Variants in PCLO observed in about 807,000 individuals in gnomAD.
PCLO encodes the protein piccolo presynaptic cytomatrix protein, also known as protein piccolo.
In PCLO, 82 loss-of-function variants were observed where a neutral mutation model predicts 427.5. That is an observed-to-expected ratio of 0.19 (90% CI 0.16 to 0.23). The LOEUF (loss-of-function observed/expected upper bound fraction) is 0.23, where lower values mean the gene tolerates loss of function less well. Among genes scored for constraint, PCLO ranks in the 10% least tolerant of loss-of-function variants. PCLO has a pLI of 1.00. For synonymous variants in PCLO, 2,357 were observed against 2,155.4 expected, an observed-to-expected ratio of 1.09 and a Z score of -2.59; for missense variants, 6,239 against 6,115.9, an observed-to-expected ratio of 1.02 and a Z score of -0.67.
At chr7:82,870,227 G>A (rs954069687) in intron 10 of PCLO, among the ~76,000 whole-genome samples, 1 of 151,862 alleles carries the variant, frequency 6.6e-6, no homozygotes, top group African/African-American at 2.4e-5. Context: ...AGCATGGCAT[G>A]GCATAAAAAT....
Position 83,033,728 on chromosome 7 carries a change from T to C in PCLO, c.3301-67241A>G, listed in dbSNP as rs796163631. Among the ~76,000 whole-genome samples the C allele has an allele frequency of 3.9e-5, 6 of 152,292 alleles. No homozygotes were observed. The Middle Eastern group carries it at 0.01, about 259-fold the overall frequency. ...TCACACTATTACTTTCTTAGACATATATTAGTTTGTACTACTTGTACCACT... is the reference window on the plus strand; with the variant it reads ...TCACACTATTACTTTCTTAGACATACATTAGTTTGTACTACTTGTACCACT... On this transcript the variant is annotated intron_variant, in intron 3 of 24. Transcript: ENST00000333891.
Position 82,953,781 on chromosome 7 carries a change from C to T in PCLO, c.7172G>A (p.Arg2391His), listed in dbSNP as rs749073112. The T allele has an allele frequency of 2.5e-5, 40 of 1,580,178 alleles. No homozygotes were observed. Among genetic ancestry groups the T allele is most frequent in the African/African-American group, 4.1e-5 (3 of 73,624 alleles). ...PSVSSLPAKP[R>H]PFFRSSSLDI... ...CAAAGAAGAACTTCTAAAGAATGGG[C>T]GAGGTTTAGCTGGAAGAGAGGAAAC... The change falls in exon 5 of 25, where the codon CGC (arginine) becomes CAC (histidine). Residue 2391 changes from arginine (R) to histidine (H), a missense_variant. Arg to His is a conservative substitution (Grantham distance 29). Transcript: ENST00000333891.
chr7:82,961,697 T>A (rs1795659861), intron 4 of PCLO, among the ~76,000 whole-genome samples: 1 of 152,192 alleles, frequency 6.6e-6, no homozygotes, highest in Non-Finnish European at 1.5e-5. Context: ...GGTCACATGG[T>A]CTGTGAGGAA....
chr7:82,930,938 A>G (rs551191403), intron 6 of PCLO, among the ~76,000 whole-genome samples: 3 of 152,286 alleles, frequency 2.0e-5, no homozygotes, highest in East Asian at 3.9e-4. Flanking sequence ...ATAAATTTAT[A>G]TATGAAAAGT....
At position 82,965,112 on chromosome 7, in the gene PCLO, A is replaced by G. The variant is rs150018235; in HGVS notation, c.4017+659T>C. ...ATGGGTTAAATGAAAATTTTCCATTAAAGAAAAAGAAAAGAATATTTTTCC... is the reference window on the plus strand; with the variant it reads ...ATGGGTTAAATGAAAATTTTCCATTGAAGAAAAAGAAAAGAATATTTTTCC... On this transcript the variant is annotated intron_variant, in intron 4 of 24. Coordinates refer to ENST00000333891, the MANE Select transcript of PCLO (RefSeq NM_033026.6). 3.8e-3 allele frequency among the ~76,000 whole-genome samples: 574 copies of G among 152,236 alleles called. 2 individuals are homozygous for G. Among genetic ancestry groups the G allele is most frequent in the African/African-American group, 0.013 (532 of 41,548 alleles).
chr7:82,766,194 G>T (rs1255608180), intron 22 of PCLO, among the ~76,000 whole-genome samples: 2 of 152,028 alleles, frequency 1.3e-5, no homozygotes, highest in African/African-American at 4.8e-5. Context: ...TTTGAGAGTG[G>T]CAGCCTTGGC....
chr7:82,936,446 T>G (rs748951509), intron 6 of PCLO, among the ~76,000 whole-genome samples: 3 of 151,596 alleles, frequency 2.0e-5, no homozygotes, highest in African/African-American at 7.2e-5. Context: ...ATTAGAAGAA[T>G]GAAAATCACA....
At chr7:83,035,079 G>C (rs1014301592) in intron 3 of PCLO, among the ~76,000 whole-genome samples, 1 of 152,140 alleles carries the variant, frequency 6.6e-6, no homozygotes, top group African/African-American at 2.4e-5. Context: ...CTGGCAGCAA[G>C]TCTTTAATTC....
chr7:82,790,900 T>C (rs1338741253), intron 22 of PCLO, among the ~76,000 whole-genome samples: 14 of 152,234 alleles, frequency 9.2e-5, no homozygotes, highest in Admixed American at 9.2e-4. Flanking sequence ...GGCAGGCATA[T>C]GCAAAAATCT....
At chr7:83,128,384 T>C (rs1307608873) in intron 3 of PCLO, among the ~76,000 whole-genome samples, 4 of 152,170 alleles carry the variant, frequency 2.6e-5, no homozygotes, top group Non-Finnish European at 5.9e-5. Context: ...TACTAAGTTT[T>C]TGAAATCAAA....
intron 1 of PCLO, 72 bp downstream of exon 1, chr7:83,162,273 A>T: frequency 6.7e-7 from 1 of 1,482,130 alleles, no homozygotes; most frequent in Non-Finnish European, 9.0e-7. Flanking sequence ...GTGCTGGCAC[A>T]TACAGGCTGG....
intron 3 of PCLO, among the ~76,000 whole-genome samples, chr7:83,011,951 CT>C (rs901336130): frequency 3.4e-4 from 51 of 151,206 alleles, no homozygotes; most frequent in Non-Finnish European, 4.7e-4. Flanking sequence ...TATATAATAT[CT>C]TTTTTTTTGA....
intron 3 of PCLO, among the ~76,000 whole-genome samples, chr7:83,015,205 T>G (rs1382623177): frequency 6.6e-6 from 1 of 152,172 alleles, no homozygotes; most frequent in Non-Finnish European, 1.5e-5. Context: ...TACTTGATAT[T>G]TATAATTTAT....
In PCLO at chr7:83,070,603, A is replaced by G. The variant is rs111737482; in HGVS notation, c.3300+63647T>C. 1.7e-3 allele frequency among the ~76,000 whole-genome samples: 265 copies of G among 152,126 alleles called. 1 individual carries two copies. Among genetic ancestry groups the G allele is most frequent in the Non-Finnish European group, 2.8e-3 (190 of 67,948 alleles). ...GGGGTTTCACCATGTTAGCCAGGAT[A>G]GTCTCCATCTCCTGACCTTGTGATC... On this transcript the variant is annotated intron_variant, in intron 3 of 24. Transcript: ENST00000333891.
At chr7:82,987,037 T>G (rs1238246533) in intron 3 of PCLO, among the ~76,000 whole-genome samples, 1 of 151,954 alleles carries the variant, frequency 6.6e-6, no homozygotes, top group Non-Finnish European at 1.5e-5. Flanking sequence ...CATATGCCAT[T>G]TCGTCAGATT....
At chr7:83,089,179 TA>T (rs1020156119) in intron 3 of PCLO, among the ~76,000 whole-genome samples, 10 of 152,168 alleles carry the variant, frequency 6.6e-5, no homozygotes, top group African/African-American at 1.4e-4. Flanking sequence ...ATGTTTTAAA[TA>T]TTTTTTTATG....
chr7:83,139,548 T>G (rs1289123829), intron 2 of PCLO, among the ~76,000 whole-genome samples: 2 of 152,218 alleles, frequency 1.3e-5, no homozygotes, highest in Non-Finnish European at 2.9e-5. Flanking sequence ...TAAATGTACA[T>G]GGATATATCT....
At position 83,050,208 on chromosome 7, in the gene PCLO, GAAAAAAAAAAAAAAAA is replaced by G. The variant is rs556193471; in HGVS notation, c.3301-83737_3301-83722del. Among the ~76,000 whole-genome samples the G allele has an allele frequency of 9.2e-4, 5 of 5,458 alleles. 1 individual carries two copies. In the South Asian group the frequency reaches 0.11, roughly 121 times the overall value. The allele number at this position is 5,458 out of a possible 152,430, so 3.6% of individuals were successfully genotyped here. The stretch of plus-strand genomic sequence containing the variant: ...TGAACTATTCCTCATCTGAAAAACT[GAAAAAAAAAAAAAAAA>G]AAAAAAAAAAAAACACAAGCAAACA... On this transcript the variant is annotated intron_variant, in intron 3 of 24. Coordinates refer to ENST00000333891, the MANE Select transcript of PCLO (RefSeq NM_033026.6).
At chr7:83,024,702 C>A (rs1165930028) in intron 3 of PCLO, among the ~76,000 whole-genome samples, 1 of 152,204 alleles carries the variant, frequency 6.6e-6, no homozygotes, top group Non-Finnish European at 1.5e-5. Flanking sequence ...ACTTAAATGT[C>A]CCTGTCAGAC....
Sources: allele counts gnomAD v4.1 joint callset (sites outside exome capture counted in the v4.1 genomes callset), GRCh38; gene constraint gnomAD v4.1.1; transcripts MANE v1.5; gene names NCBI Gene and HGNC (gene_info 2026-07-23, HGNC 2026-07-21).